Variants in HEATR5B observed in about 807,000 individuals in gnomAD.
HEATR5B encodes the protein HEAT repeat containing 5B.
A neutral mutation model predicts 224.1 loss-of-function variants in HEATR5B; 156 were observed. That is an observed-to-expected ratio of 0.70 (90% confidence interval 0.61 to 0.80). The LOEUF (loss-of-function observed/expected upper bound fraction) is 0.80, where lower values mean the gene tolerates loss of function less well. Among genes scored for constraint, HEATR5B ranks in the 30% least tolerant of loss-of-function variants. The pLI is 0.00. For missense variants in HEATR5B, 2,323 were observed against 2,535.5 expected, an observed-to-expected ratio of 0.92 and a Z score of 1.80; for synonymous variants, 1,027 against 893.0, an observed-to-expected ratio of 1.15 and a Z score of -2.68.
At chr2:37,064,704 G>A (rs376195979) in intron 10 of HEATR5B, 36 bp downstream of exon 10, 62 of 1,607,734 alleles carry the variant, frequency 3.9e-5, no homozygotes, top group Admixed American at 2.0e-4. Flanking sequence ...CAAAGCCCAC[G>A]TGACAGCATT....
intron 24 of HEATR5B, among the ~76,000 whole-genome samples, chr2:37,022,048 G>A (rs1253823212): frequency 6.6e-6 from 1 of 151,418 alleles, no homozygotes; most frequent in East Asian, 1.9e-4. Flanking sequence ...AAAAAACACA[G>A]GTCACAGATG....
chr2:37,050,092 T>C (rs756976343), intron 17 of HEATR5B, among the ~76,000 whole-genome samples: 10 of 151,878 alleles, frequency 6.6e-5, no homozygotes, highest in Admixed American at 1.3e-4. Flanking sequence ...AGGGTCTTAC[T>C]AAGTTTCCCA....
intron 31 of HEATR5B, among the ~76,000 whole-genome samples, chr2:37,003,033 C>T (rs867537160): frequency 6.6e-5 from 10 of 151,776 alleles, no homozygotes; most frequent in African/African-American, 1.7e-4. Flanking sequence ...CTGAGATGGA[C>T]GGATCACTTG....
intron 18 of HEATR5B, among the ~76,000 whole-genome samples, chr2:37,044,083 T>C (rs574548471): frequency 1.7e-3 from 260 of 152,312 alleles, no homozygotes; most frequent in Middle Eastern, 6.8e-3. Context: ...TATTGAGATA[T>C]TTTACATTCT....
At chr2:37,073,579 C>T (rs1032055348) in intron 5 of HEATR5B, among the ~76,000 whole-genome samples, 3 of 152,140 alleles carry the variant, frequency 2.0e-5, no homozygotes, top group Admixed American at 6.6e-5. Context: ...TGATTTTAGT[C>T]ATATTTCCCC....
At chr2:37,058,390 A>T in intron 14 of HEATR5B, 61 bp downstream of exon 14, 2 of 952,454 alleles carry the variant, frequency 2.1e-6, no homozygotes, top group Non-Finnish European at 3.4e-6. Flanking sequence ...TCAAGACTCT[A>T]TAATACGGTG....
At chr2:37,016,670 G>C (rs1456152666) in intron 26 of HEATR5B, among the ~76,000 whole-genome samples, 2 of 152,148 alleles carry the variant, frequency 1.3e-5, no homozygotes, top group Non-Finnish European at 2.9e-5. Context: ...CTCAGGTTTT[G>C]CTGCCAAATA....
intron 27 of HEATR5B, among the ~76,000 whole-genome samples, chr2:37,009,256 CAA>C (rs57022846): frequency 0.29 from 18,641 of 64,776 alleles, 955 homozygotes; most frequent in East Asian, 0.54. Flanking sequence ...GACTCTGTCT[CAA>C]AAAAAAAAAA....
At chr2:37,037,697 C>T (rs1335782768) in intron 21 of HEATR5B, among the ~76,000 whole-genome samples, 158 bp downstream of exon 21, 1 of 152,140 alleles carries the variant, frequency 6.6e-6, no homozygotes, top group Non-Finnish European at 1.5e-5. Context: ...ATGGATACCA[C>T]ATTCACTCTG....
intron 22 of HEATR5B, among the ~76,000 whole-genome samples, chr2:37,030,086 GTA>G (rs1669030829): frequency 6.6e-6 from 1 of 152,142 alleles, no homozygotes; most frequent in African/African-American, 2.4e-5. Context: ...AACAGCAGCG[GTA>G]TATAACTGGT....
intron 21 of HEATR5B, 111 bp from the exon 22 acceptor site, chr2:37,032,884 G>GTC: frequency 1.4e-6 from 1 of 702,394 alleles, no homozygotes. Flanking sequence ...GTTTTGTTTT[G>GTC]TTTTTTTTTT....
chr2:37,024,465 G>A (rs1213867963), intron 24 of HEATR5B, among the ~76,000 whole-genome samples: 1 of 152,168 alleles, frequency 6.6e-6, no homozygotes, highest in Non-Finnish European at 1.5e-5. Flanking sequence ...ATTCTACAAT[G>A]TATGCATACT....
intron 17 of HEATR5B, 52 bp from the exon 18 acceptor site, chr2:37,049,895 A>AT: frequency 7.0e-7 from 1 of 1,428,244 alleles, no homozygotes; most frequent in Non-Finnish European, 9.2e-7. Flanking sequence ...ATTCATTATT[A>AT]TTATTTTTTT....
intron 33 of HEATR5B, among the ~76,000 whole-genome samples, chr2:37,000,376 C>G (rs1667011239): frequency 6.6e-6 from 1 of 152,050 alleles, no homozygotes; most frequent in African/African-American, 2.4e-5. Flanking sequence ...ACGCCTGGCC[C>G]CAACATGTTT....
At chr2:36,997,031 TTCACCTATTG>T (rs1666765419) in intron 33 of HEATR5B, among the ~76,000 whole-genome samples, 1 of 152,236 alleles carries the variant, frequency 6.6e-6, no homozygotes, top group Non-Finnish European at 1.5e-5. Flanking sequence ...TCTTTCTTCT[TTCACCTATTG>T]GTGAGTAAGT....
intron 24 of HEATR5B, among the ~76,000 whole-genome samples, chr2:37,023,885 T>G (rs529414154): frequency 4.9e-4 from 75 of 152,246 alleles, no homozygotes; most frequent in Admixed American, 4.9e-3. Flanking sequence ...CAGTGCTTCC[T>G]CACCTATAGG....
chr2:37,009,127 AG>A (rs1667623650), intron 27 of HEATR5B, among the ~76,000 whole-genome samples: 1 of 151,856 alleles, frequency 6.6e-6, no homozygotes, highest in African/African-American at 2.4e-5. Flanking sequence ...GCATGGTGGC[AG>A]GCACCTGTAG....
At chr2:37,019,916 T>C (rs774979413) in intron 25 of HEATR5B, 39 bp from the exon 26 acceptor site, 1 of 1,446,906 alleles carries the variant, frequency 6.9e-7, no homozygotes, top group Non-Finnish European at 9.6e-7. Context: ...TTTACTTTTA[T>C]TTTTTGAGAC....
At chr2:37,026,087 A>G (rs1336543645) in intron 24 of HEATR5B, among the ~76,000 whole-genome samples, 2 of 152,232 alleles carry the variant, frequency 1.3e-5, no homozygotes, top group Admixed American at 1.3e-4. Context: ...CAGTCTAATC[A>G]CATGAGTCCT....
Sources: allele counts gnomAD v4.1 joint callset (sites outside exome capture counted in the v4.1 genomes callset), GRCh38; gene constraint gnomAD v4.1.1; transcripts MANE v1.5; gene names NCBI Gene and HGNC (gene_info 2026-07-23, HGNC 2026-07-21).